Variants in GRM7 observed in about 807,000 individuals in gnomAD.
GRM7 encodes metabotropic glutamate receptor 7.
Under a neutral mutation model 84.5 loss-of-function variants are expected in GRM7, and 35 were observed. That is an observed-to-expected ratio of 0.41 (90% confidence interval 0.32 to 0.55). The LOEUF is 0.55. GRM7 is among the 20% of genes least tolerant of loss of function. GRM7 has a pLI of 0.19. For missense variants in GRM7, 1,003 were observed against 1,194.6 expected, an observed-to-expected ratio of 0.84 and a Z score of 2.36; for synonymous variants, 487 against 455.1, an observed-to-expected ratio of 1.07 and a Z score of -0.89.
intron 9 of GRM7, among the ~76,000 whole-genome samples, chr3:7,734,396 G>C (rs1702433698): frequency 6.6e-6 from 1 of 152,172 alleles, no homozygotes; most frequent in Non-Finnish European, 1.5e-5. Flanking sequence ...AATATACAAT[G>C]AATGAGAAGT....
At chr3:7,132,209 A>G (rs188911371) in intron 1 of GRM7, among the ~76,000 whole-genome samples, 1 of 152,290 alleles carries the variant, frequency 6.6e-6, no homozygotes, top group African/African-American at 2.4e-5. Context: ...AGAAACAATA[A>G]CCATATAAAA....
At chr3:7,284,755 C>T (rs1346086671) in intron 2 of GRM7, among the ~76,000 whole-genome samples, 3 of 151,986 alleles carry the variant, frequency 2.0e-5, no homozygotes, top group Admixed American at 2.0e-4. Context: ...TATAACAAAA[C>T]TATTGTTTAC....
At chr3:7,587,204 CT>C (rs1559422154) in intron 8 of GRM7, among the ~76,000 whole-genome samples, 1 of 152,216 alleles carries the variant, frequency 6.6e-6, no homozygotes, top group Admixed American at 6.5e-5. Flanking sequence ...CCCTCTTCCT[CT>C]TTTTTTCTTG....
intron 8 of GRM7, among the ~76,000 whole-genome samples, chr3:7,580,892 A>G (rs939625097): frequency 2.2e-5 from 2 of 92,032 alleles, no homozygotes; most frequent in Non-Finnish European, 5.8e-5. Context: ...AGAGAGAAGA[A>G]AAAAAAAATC....
At chr3:7,174,078 A>G (rs989572256) in intron 2 of GRM7, among the ~76,000 whole-genome samples, 3 of 152,144 alleles carry the variant, frequency 2.0e-5, no homozygotes, top group Non-Finnish European at 4.4e-5. Flanking sequence ...GTGGTATTTA[A>G]TCTCTATTTT....
intron 1 of GRM7, among the ~76,000 whole-genome samples, chr3:6,926,798 C>G (rs1207473724): frequency 6.6e-6 from 1 of 152,184 alleles, no homozygotes; most frequent in East Asian, 1.9e-4. Flanking sequence ...TTTCATAAAT[C>G]TCCTTTTGAT....
intron 2 of GRM7, among the ~76,000 whole-genome samples, chr3:7,150,679 G>A (rs1323929991): frequency 6.6e-6 from 1 of 152,088 alleles, no homozygotes; most frequent in African/African-American, 2.4e-5. Context: ...AGCAACAAAG[G>A]CAATTTATTT....
intron 2 of GRM7, among the ~76,000 whole-genome samples, chr3:7,261,704 C>G (rs567058134): frequency 6.6e-6 from 1 of 152,160 alleles, no homozygotes; most frequent in East Asian, 1.9e-4. Flanking sequence ...TGTGTACTTA[C>G]GTGTGTCTTG....
chr3:7,710,949 A>C (rs921990096), intron 9 of GRM7, among the ~76,000 whole-genome samples: 1 of 152,176 alleles, frequency 6.6e-6, no homozygotes, highest in Non-Finnish European at 1.5e-5. Flanking sequence ...TTTTCTGGGC[A>C]TGTCTCTGAT....
At chr3:7,104,981 A>T (rs909676348) in intron 1 of GRM7, among the ~76,000 whole-genome samples, 7 of 151,984 alleles carry the variant, frequency 4.6e-5, no homozygotes, top group African/African-American at 1.7e-4. Context: ...GTAAAATTTA[A>T]CATATTCTCA....
chr3:7,676,772 C>T (rs1043240254), intron 8 of GRM7, among the ~76,000 whole-genome samples: 4 of 152,110 alleles, frequency 2.6e-5, no homozygotes, highest in East Asian at 1.9e-4. Context: ...CAATTGCCCA[C>T]AGTATTCAGT....
At chr3:7,085,644 T>C (rs1698430316) in intron 1 of GRM7, among the ~76,000 whole-genome samples, 1 of 152,144 alleles carries the variant, frequency 6.6e-6, no homozygotes, top group African/African-American at 2.4e-5. Flanking sequence ...AATTAACTTT[T>C]TACTCAAAAG....
At chr3:7,395,310 G>T (rs1056212057) in intron 4 of GRM7, among the ~76,000 whole-genome samples, 1 of 152,044 alleles carries the variant, frequency 6.6e-6, no homozygotes, top group Admixed American at 6.5e-5. Flanking sequence ...ACATTCACAT[G>T]TATCTATGAT....
intron 1 of GRM7, among the ~76,000 whole-genome samples, chr3:6,983,556 C>G (rs1411171447): frequency 1.3e-5 from 2 of 149,462 alleles, no homozygotes; most frequent in East Asian, 3.9e-4. Flanking sequence ...GTTACTGTTC[C>G]TAATAATTTT....
At chr3:7,366,245 T>G (rs1418637605) in intron 4 of GRM7, among the ~76,000 whole-genome samples, 1 of 151,902 alleles carries the variant, frequency 6.6e-6, no homozygotes, top group Non-Finnish European at 1.5e-5. Context: ...AACTCTTTTC[T>G]GTCCTCTGCA....
intron 1 of GRM7, among the ~76,000 whole-genome samples, chr3:7,022,337 AT>A (rs1157941813): frequency 7.0e-6 from 1 of 142,552 alleles, no homozygotes; most frequent in Non-Finnish European, 1.5e-5. Flanking sequence ...AAAAAAAAAA[AT>A]AATAAAATAT....
chr3:7,327,395 A>G lies in GRM7; in HGVS notation c.1033+20743A>G, dbSNP rs116015720. On this transcript the variant is annotated intron_variant, in intron 4 of 9. Coordinates refer to ENST00000357716, the MANE Select transcript of GRM7 (RefSeq NM_000844.4). ...AAAAGGAGAGGAGAGGAAAGAAAGC[A>G]TAAGAAAGAAAAGAACTATTGCTAT... Among the ~76,000 whole-genome samples, 846 of 152,332 alleles carry G rather than the reference A, an allele frequency of 5.6e-3. 9 individuals are homozygous for G. Among genetic ancestry groups the G allele is most frequent in the African/African-American group, 0.019 (807 of 41,578 alleles).
intron 1 of GRM7, among the ~76,000 whole-genome samples, chr3:6,952,954 C>T (rs1692851234): frequency 6.6e-6 from 1 of 152,176 alleles, no homozygotes; most frequent in Non-Finnish European, 1.5e-5. Flanking sequence ...GGATAGTTGA[C>T]TGCACAATAC....
At chr3:7,118,606 T>G (rs554735355) in intron 1 of GRM7, among the ~76,000 whole-genome samples, 142 of 141,062 alleles carry the variant, frequency 1.0e-3, no homozygotes, top group African/African-American at 3.4e-3. Flanking sequence ...CTTTCCAATT[T>G]CTGCTAAAAA....
Sources: allele counts gnomAD v4.1 joint callset (sites outside exome capture counted in the v4.1 genomes callset), GRCh38; gene constraint gnomAD v4.1.1; transcripts MANE v1.5; gene names NCBI Gene and HGNC (gene_info 2026-07-23, HGNC 2026-07-21).